The following MMP16 variants were observed in gnomAD, a reference collection of about 807,000 sequenced individuals.
MMP16 encodes the protein matrix metallopeptidase 16.
A neutral mutation model predicts 67.8 loss-of-function variants in MMP16; 12 were observed. That is an observed-to-expected ratio of 0.18 (90% CI 0.11 to 0.29). The LOEUF is 0.29. Among genes scored for constraint, MMP16 ranks in the 10% least tolerant of loss-of-function variants. The probability of loss-of-function intolerance (pLI) is 1.00; values close to 1 mark genes in which losing one functional copy is unlikely to be tolerated. For missense variants in MMP16, 475 were observed against 765.7 expected (o/e 0.62, Z 4.48); for synonymous variants, 249 against 255.9 (o/e 0.97, Z 0.26).
intron 1 of MMP16, among the ~76,000 whole-genome samples, chr8:88,200,323 A>C (rs1176806540): frequency 2.6e-5 from 4 of 152,048 alleles, no homozygotes; most frequent in Non-Finnish European, 5.9e-5. Flanking sequence ...TTTTGAGAAC[A>C]CTGAAAAAAT....
rs1053288325 is a variant in MMP16 at position 88,221,586 on chromosome 8, T to G, written c.133-24280A>C. Among the ~76,000 whole-genome samples the G allele has an allele frequency of 2.7e-5, 4 of 150,378 alleles. No individual in the cohort carries two copies. The South Asian group carries it at 8.5e-4, about 32-fold the overall frequency. On this transcript the variant is annotated intron_variant, in intron 1 of 9. Coordinates refer to ENST00000286614, the MANE Select transcript of MMP16 (RefSeq NM_005941.5). ...AAGAGAATTCTACCAAAAAAAATAG[T>G]TTTTAAACACAATTAAATATCCTGG...
At chr8:88,067,107 TTAATTAAATGTTCTTTCTACTATTGTC>T (rs1459816597) in intron 7 of MMP16, among the ~76,000 whole-genome samples, 20 of 152,066 alleles carry the variant, frequency 1.3e-4, no homozygotes, top group African/African-American at 4.3e-4. Flanking sequence ...TTACTAAAAC[TTAATTAAATGTTCTTTCTACTATTGTC>T]TAATTAAATG....
At chr8:88,267,635 T>A (rs1406733714) in intron 1 of MMP16, among the ~76,000 whole-genome samples, 1 of 152,226 alleles carries the variant, frequency 6.6e-6, no homozygotes, top group Non-Finnish European at 1.5e-5. Flanking sequence ...TTATTCTTTG[T>A]AAAAATATTA....
In MMP16 at chr8:88,118,809, C is replaced by T. The variant is rs61753716; in HGVS notation, c.762G>A (p.Leu254=). ...AVHELGHALG[L]EHSNDPTAIM... is the part of the protein sequence containing the mutation. ...TGGCAGTGGGGTCATTGGAATGCTC[C>T]AATCCCAGAGCATGTCCCAGTTCAT... The change falls in exon 5 of 10, where the codon TTG becomes TTA. Residue 254 remains leucine, a synonymous_variant. Coordinates refer to ENST00000286614, the MANE Select transcript of MMP16 (RefSeq NM_005941.5). 2.1e-3 allele frequency: 3,328 copies of T among 1,613,170 alleles called. 25 individuals carry two copies. Among genetic ancestry groups the T allele is most frequent in the South Asian group, 0.015 (1,392 of 91,048 alleles).
intron 1 of MMP16, among the ~76,000 whole-genome samples, chr8:88,243,282 T>C (rs28904602): frequency 0.044 from 6,638 of 152,298 alleles, 174 homozygotes; most frequent in Admixed American, 0.054. Flanking sequence ...GGAATCATCC[T>C]GCCTGGCATG....
At chr8:88,243,732 A>G (rs1416772003) in intron 1 of MMP16, among the ~76,000 whole-genome samples, 1 of 152,196 alleles carries the variant, frequency 6.6e-6, no homozygotes, top group Non-Finnish European at 1.5e-5. Context: ...AGAATTGTTT[A>G]GTAAGCAGGG....
intron 7 of MMP16, among the ~76,000 whole-genome samples, chr8:88,061,338 C>T (rs1476316421): frequency 6.6e-6 from 1 of 152,050 alleles, no homozygotes; most frequent in Admixed American, 6.6e-5. Flanking sequence ...TTCTGTTGGC[C>T]TATACCTCAG....
At chr8:88,263,057 AAAG>A (rs1157273693) in intron 1 of MMP16, among the ~76,000 whole-genome samples, 3 of 130,870 alleles carry the variant, frequency 2.3e-5, no homozygotes, top group African/African-American at 9.8e-5. Context: ...TAAAATAAAA[AAAG>A]TTTTTTTTAA....
intron 6 of MMP16, among the ~76,000 whole-genome samples, chr8:88,087,892 C>T (rs544020919): frequency 3.3e-5 from 5 of 151,112 alleles, no homozygotes; most frequent in East Asian, 3.9e-4. Context: ...TGCAGTGAGC[C>T]GTGATTGTGG....
At chr8:88,201,790 A>G (rs573972804) in intron 1 of MMP16, among the ~76,000 whole-genome samples, 1 of 152,254 alleles carries the variant, frequency 6.6e-6, no homozygotes, top group Non-Finnish European at 1.5e-5. Flanking sequence ...ACTAACAACT[A>G]AAAGGTGATG....
intron 1 of MMP16, among the ~76,000 whole-genome samples, chr8:88,319,182 C>T (rs1431765508): frequency 1.3e-5 from 2 of 152,106 alleles, no homozygotes; most frequent in Non-Finnish European, 2.9e-5. Flanking sequence ...ATGAGTAGCA[C>T]TACTGTAATA....
chr8:88,218,113 C>G (rs188974525), intron 1 of MMP16, among the ~76,000 whole-genome samples: 1 of 151,960 alleles, frequency 6.6e-6, no homozygotes, highest in Non-Finnish European at 1.5e-5. Context: ...AGCAAAACAA[C>G]CTCTAAGGAA....
chr8:88,296,937 T>A (rs1481883767), intron 1 of MMP16, among the ~76,000 whole-genome samples: 1 of 151,648 alleles, frequency 6.6e-6, no homozygotes, highest in Non-Finnish European at 1.5e-5. Context: ...AATAAATAAT[T>A]AAATAATAAA....
At chr8:88,321,249 G>T (rs1242161944) in intron 1 of MMP16, among the ~76,000 whole-genome samples, 1 of 152,034 alleles carries the variant, frequency 6.6e-6, no homozygotes, top group Non-Finnish European at 1.5e-5. Flanking sequence ...TACAGTATAA[G>T]CACTTAATTT....
chr8:88,190,280 C>A (rs1375534392), intron 2 of MMP16, among the ~76,000 whole-genome samples: 1 of 152,128 alleles, frequency 6.6e-6, no homozygotes, highest in African/African-American at 2.4e-5. Flanking sequence ...GTATTATCTT[C>A]TCAAAGTAGG....
At chr8:88,167,298 A>G (rs1225018296) in intron 4 of MMP16, among the ~76,000 whole-genome samples, 1 of 152,182 alleles carries the variant, frequency 6.6e-6, no homozygotes, top group East Asian at 1.9e-4. Flanking sequence ...GGATTAAATT[A>G]CAAGTAGAAA....
chr8:88,060,367 T>C (rs1444357436), intron 7 of MMP16, among the ~76,000 whole-genome samples: 1 of 152,104 alleles, frequency 6.6e-6, no homozygotes, highest in Non-Finnish European at 1.5e-5. Context: ...GTCTCCTTTT[T>C]ATCTATCCTC....
intron 6 of MMP16, among the ~76,000 whole-genome samples, chr8:88,076,268 G>A (rs1472963598): frequency 6.6e-6 from 1 of 152,124 alleles, no homozygotes; most frequent in African/African-American, 2.4e-5. Flanking sequence ...TTTATAGCAT[G>A]ATTACTGTAT....
intron 3 of MMP16, among the ~76,000 whole-genome samples, chr8:88,178,805 C>CT (rs1194448986): frequency 3.3e-5 from 5 of 151,764 alleles, no homozygotes; most frequent in African/African-American, 1.2e-4. Context: ...TTGCCTTTTC[C>CT]TTTTTTCTGT....
Sources: allele counts gnomAD v4.1 joint callset (sites outside exome capture counted in the v4.1 genomes callset), GRCh38; gene constraint gnomAD v4.1.1; transcripts MANE v1.5; gene names NCBI Gene and HGNC (gene_info 2026-07-23, HGNC 2026-07-21).